Variants in HINT3 observed in about 807,000 individuals in gnomAD.
The protein encoded by HINT3 is histidine triad nucleotide binding protein 3, also known as adenosine 5'-monophosphoramidase HINT3.
HINT3 carries 16 observed loss-of-function variants against 19.1 expected under a neutral mutation model. That is an observed-to-expected ratio of 0.84 (90% confidence interval 0.57 to 1.27). The LOEUF is 1.27. Ranked by LOEUF, HINT3 falls within the 50% of genes most tolerant of loss-of-function variation. The pLI, the probability that HINT3 is intolerant of heterozygous loss-of-function variation, is 0.00. For missense variants in HINT3, 197 were observed against 225.8 expected, an observed-to-expected ratio of 0.87 and a Z score of 0.82; for synonymous variants, 75 against 84.8, an observed-to-expected ratio of 0.88 and a Z score of 0.63.
At chr6:125,960,563 A>G (rs1788904894) in intron 1 of HINT3, among the ~76,000 whole-genome samples, 1 of 148,796 alleles carries the variant, frequency 6.7e-6, no homozygotes, top group Non-Finnish European at 1.5e-5. Flanking sequence ...AGGCAGAGGG[A>G]GGAGAACTGC....
intron 1 of HINT3, among the ~76,000 whole-genome samples, chr6:125,963,302 C>T (rs1485952369): frequency 6.6e-6 from 1 of 152,078 alleles, no homozygotes; most frequent in African/African-American, 2.4e-5. Context: ...ATAAAGAAAA[C>T]CTGTCTTTGT....
rs80213167 is a variant in HINT3 at position 125,963,867 on chromosome 6, G to A, written c.202-3020G>A. ...CAATTCCAATTTAAGAAGGGGTTTT[G>A]CAAGGAGAAACTGAAAGATCGTAGA... On this transcript the variant is annotated intron_variant, in intron 1 of 4. Coordinates refer to ENST00000229633, the MANE Select transcript of HINT3 (RefSeq NM_138571.5). Among the ~76,000 whole-genome samples, 160 of 152,276 alleles carry A rather than the reference G, an allele frequency of 1.1e-3. 2 individuals carry two copies. In the East Asian group the frequency reaches 0.028, roughly 26 times the overall value.
chr6:125,979,676 C>T lies in HINT3; in HGVS notation c.*2000C>T, dbSNP rs1257724037. 1 of 152,242 alleles carries T rather than the reference C, an allele frequency of 6.6e-6. No homozygotes were observed. Among genetic ancestry groups the T allele is most frequent in the Non-Finnish European group, 1.5e-5 (1 of 68,092 alleles). The allele number at this position is 152,242 out of a possible 1,614,324, so 9.4% of individuals were successfully genotyped here. On this transcript the variant is annotated 3_prime_UTR_variant, in exon 5 of 5. Coordinates refer to ENST00000229633, the MANE Select transcript of HINT3 (RefSeq NM_138571.5). Reference sequence around the variant, plus strand: ...GGCTGAGGCAAGAGAATTGCTTGAACTCGGGAGGCGGAGGTCGCAGTGAGC... The same window carrying T: ...GGCTGAGGCAAGAGAATTGCTTGAATTCGGGAGGCGGAGGTCGCAGTGAGC...
intron 1 of HINT3, among the ~76,000 whole-genome samples, chr6:125,960,671 A>AGGGGGAGGGG (rs1562211533): frequency 4.3e-5 from 4 of 92,470 alleles, no homozygotes; most frequent in Admixed American, 1.6e-4. Context: ...GGGGGAAAAA[A>AGGGGGAGGGG]AAAGAAGTTA....
Position 125,977,785 on chromosome 6 carries a change from C to G in HINT3, c.*109C>G. The G allele has an allele frequency of 1.7e-6, 1 of 600,182 alleles. No homozygotes were observed. The highest frequency in any genetic ancestry group is 2.7e-5 in the South Asian group (1 of 37,612). 37.2% of individuals were successfully genotyped at this position (600,182 alleles called of 1,614,324 possible). On this transcript the variant is annotated 3_prime_UTR_variant, in exon 5 of 5. Coordinates refer to ENST00000229633, the MANE Select transcript of HINT3 (RefSeq NM_138571.5). ...AAGATTTGTTGGGTTTTATGAGAGG[C>G]TGTTACTTAGTGGCCTTAAATCTTT...
chr6:125,978,537 C>T lies in HINT3; in HGVS notation c.*861C>T, dbSNP rs1280875198. ...AGGCTTAGATGAGAAAAATTGATAA[C>T]GCAATGTTAATACTATTGATATTTC... On this transcript the variant is annotated 3_prime_UTR_variant, in exon 5 of 5. Coordinates refer to ENST00000229633, the MANE Select transcript of HINT3 (RefSeq NM_138571.5). 5.3e-5 allele frequency: 8 copies of T among 152,066 alleles called. No homozygotes were observed. The highest frequency in any genetic ancestry group is 1.9e-4 in the East Asian group (1 of 5,202). 9.4% of individuals were successfully genotyped at this position (152,066 alleles called of 1,614,324 possible).
intron 1 of HINT3, among the ~76,000 whole-genome samples, chr6:125,962,191 T>TATATATATATATATATATATATACAC (rs1562212029): frequency 2.8e-5 from 1 of 35,744 alleles, no homozygotes; most frequent in Non-Finnish European, 4.6e-5. Context: ...TATATACACA[T>TATATATATATATATATATATATACAC]ATATATATAT....
chr6:125,966,008 G>A (rs1006095028), intron 1 of HINT3, among the ~76,000 whole-genome samples: 101 of 152,232 alleles, frequency 6.6e-4, no homozygotes, highest in African/African-American at 2.4e-3. Context: ...GAACTATTGA[G>A]CAGCATTGCA....
At chr6:125,961,226 A>G in intron 1 of HINT3, among the ~76,000 whole-genome samples, 1 of 152,188 alleles carries the variant, frequency 6.6e-6, no homozygotes, top group Admixed American at 6.5e-5. Context: ...TTGTCAGTGG[A>G]AAAACACAAA....
intron 2 of HINT3, among the ~76,000 whole-genome samples, chr6:125,969,743 G>A (rs1308595474): frequency 1.3e-5 from 2 of 152,108 alleles, no homozygotes; most frequent in South Asian, 2.1e-4. Flanking sequence ...TTGTGTGTGT[G>A]TGGCTATTGT....
At position 125,971,702 on chromosome 6, in the gene HINT3, CTTTTTTTTTTTTT is replaced by C. The variant is rs142105115; in HGVS notation, c.320-543_320-531del. ...GGTGTGCACCACCATGCCTGGCTAC[CTTTTTTTTTTTTT>C]TTTTTTTTTTTTTGAGACAGACTCT... On this transcript the variant is annotated intron_variant, in intron 2 of 4. Transcript: ENST00000229633. Among the ~76,000 whole-genome samples the C allele has an allele frequency of 6.7e-5, 4 of 59,616 alleles. No individual in the cohort carries two copies. In the East Asian group the frequency reaches 2.5e-3, roughly 37 times the overall value. 39.1% of individuals were successfully genotyped at this position (59,616 alleles called of 152,430 possible).
Position 125,974,967 on chromosome 6 carries a change from T to C in HINT3, c.510T>C (p.Phe170=), listed in dbSNP as rs1425525208. Residue 170 remains phenylalanine (F), a synonymous_variant, in exon 4 of 5, where the codon TTT becomes TTC. Transcript: ENST00000229633. ...KLVYRVNSYW[F]ITADHLIEKL... The stretch of plus-strand genomic sequence containing the variant: ...TTTATAGAGTCAATTCCTATTGGTT[T>C]ATCACAGTGAGTATTCTTGTTATGT... 3 of 1,613,744 alleles carry C rather than the reference T, an allele frequency of 1.9e-6. No individual in the cohort carries two copies. The East Asian group carries it at 6.7e-5, about 36-fold the overall frequency.
At chr6:125,968,805 A>G (rs1461867300) in intron 2 of HINT3, among the ~76,000 whole-genome samples, 1 of 151,836 alleles carries the variant, frequency 6.6e-6, no homozygotes. Context: ...GTCCTCTTGT[A>G]TGTCTTCTTT....
At chr6:125,968,258 CAG>C (rs1789045950) in intron 2 of HINT3, among the ~76,000 whole-genome samples, 1 of 152,194 alleles carries the variant, frequency 6.6e-6, no homozygotes, top group South Asian at 2.1e-4. Context: ...AGTGGGAACA[CAG>C]AGTGTTTGGT....
intron 2 of HINT3, among the ~76,000 whole-genome samples, chr6:125,969,400 T>C (rs1450793738): frequency 6.6e-6 from 1 of 152,186 alleles, no homozygotes; most frequent in Non-Finnish European, 1.5e-5. Flanking sequence ...CTGTTTTGGT[T>C]ATATAGACTT....
At chr6:125,973,065 C>CTTTTTTTTTT (rs869084942) in intron 3 of HINT3, among the ~76,000 whole-genome samples, 8 of 74,482 alleles carry the variant, frequency 1.1e-4, no homozygotes, top group African/African-American at 2.7e-4. Context: ...AATTTTTCAA[C>CTTTTTTTTTT]TTTTTTTTTT....
At position 125,957,060 on chromosome 6, in the gene HINT3, C is replaced by T; in HGVS notation, c.83C>T (p.Ser28Leu). The change falls in exon 1 of 5, where the codon TCA becomes TTA. Residue 28 changes from serine to leucine, a missense_variant. Transcript: ENST00000229633. ...GCGACTGCAGAAACTACGGTTTCCT[C>T]AGTGGGGACCTGTGAAGCCGCTGGC... ...ASATAETTVS[S>L]VGTCEAAGKS... The T allele has an allele frequency of 1.3e-6, 2 of 1,550,854 alleles. No individual in the cohort carries two copies. Among genetic ancestry groups the T allele is most frequent in the South Asian group, 1.2e-5 (1 of 84,068 alleles).
chr6:125,968,199 G>A (rs1789045028), intron 2 of HINT3, among the ~76,000 whole-genome samples: 1 of 152,058 alleles, frequency 6.6e-6, no homozygotes, highest in Non-Finnish European at 1.5e-5. Context: ...AGTGTCTATT[G>A]TTGCCATCTT....
At position 125,974,933 on chromosome 6, in the gene HINT3, C is replaced by A; in HGVS notation, c.476C>A (p.Ser159Tyr). 1.2e-6 allele frequency: 2 copies of A among 1,613,954 alleles called. No homozygotes were observed. The highest frequency in any genetic ancestry group is 1.1e-5 in the South Asian group (1 of 91,072). ...CCAGTGGATCAGCTTGGCTTCTTAT[C>A]CAAGTTGGTTTATAGAGTCAATTCC... ...LAPVDQLGFL[S>Y]KLVYRVNSYW... The change falls in exon 4 of 5, where the codon TCC becomes TAC. Residue 159 changes from serine to tyrosine, a missense_variant. Coordinates refer to ENST00000229633, the MANE Select transcript of HINT3 (RefSeq NM_138571.5).
Sources: allele counts gnomAD v4.1 joint callset (sites outside exome capture counted in the v4.1 genomes callset), GRCh38; gene constraint gnomAD v4.1.1; transcripts MANE v1.5; gene names NCBI Gene and HGNC (gene_info 2026-07-23, HGNC 2026-07-21).